The following USP14 variants were observed in gnomAD, a reference collection of about 807,000 sequenced individuals.
USP14 encodes ubiquitin carboxyl-terminal hydrolase 14.
USP14 carries 38 observed loss-of-function variants against 76.5 expected under a neutral mutation model. The ratio of observed to expected loss-of-function variants is 0.50; its 90% CI spans 0.38 to 0.65. USP14 has a LOEUF of 0.65. Among genes scored for constraint, USP14 ranks in the 30% least tolerant of loss-of-function variants. USP14 has a pLI of 0.00. For synonymous variants in USP14, 192 were observed against 191.7 expected, an observed-to-expected ratio of 1.00 and a Z score of -0.01; for missense variants, 467 against 586.5, an observed-to-expected ratio of 0.80 and a Z score of 2.10.
chr18:208,932 C>T (rs1598281108), intron 13 of USP14, among the ~76,000 whole-genome samples: 2 of 152,034 alleles, frequency 1.3e-5, no homozygotes, highest in African/African-American at 4.8e-5. Context: ...TTTTATTAGA[C>T]ACAGGGTTTC....
intron 13 of USP14, among the ~76,000 whole-genome samples, chr18:205,110 A>G (rs1910494746): frequency 6.6e-6 from 1 of 152,118 alleles, no homozygotes; most frequent in Non-Finnish European, 1.5e-5. Context: ...TCCTGAGCTC[A>G]GGCGATCTGC....
At chr18:165,990 C>T (rs1294605861) in intron 2 of USP14, among the ~76,000 whole-genome samples, 1 of 135,412 alleles carries the variant, frequency 7.4e-6, no homozygotes, top group Non-Finnish European at 1.6e-5. Context: ...TTACTCTGGA[C>T]TAATCATGCA....
At chr18:200,404 T>A (rs1486122448) in intron 10 of USP14, among the ~76,000 whole-genome samples, 1 of 152,148 alleles carries the variant, frequency 6.6e-6, no homozygotes, top group African/African-American at 2.4e-5. Context: ...CAATATAAAC[T>A]GGGATTTTTC....
chr18:165,845 A>T (rs1568415316), intron 2 of USP14, among the ~76,000 whole-genome samples: 1 of 152,198 alleles, frequency 6.6e-6, no homozygotes, highest in South Asian at 2.1e-4. Flanking sequence ...TTTAAAGCAG[A>T]TAAAAGAGAT....
At chr18:175,110 A>G (rs1201117561) in intron 3 of USP14, among the ~76,000 whole-genome samples, 1 of 152,172 alleles carries the variant, frequency 6.6e-6, no homozygotes, top group Admixed American at 6.6e-5. Context: ...ATTGCTTGCT[A>G]GTATATAAAA....
intron 1 of USP14, 184 bp downstream of exon 1, chr18:158,898 G>C: frequency 3.0e-6 from 3 of 1,001,372 alleles, no homozygotes; most frequent in Non-Finnish European, 3.9e-6. Flanking sequence ...AGCCCTGCGT[G>C]GCAGGGGAGC....
chr18:174,573 T>C (rs935331077), intron 3 of USP14, among the ~76,000 whole-genome samples: 3 of 151,628 alleles, frequency 2.0e-5, no homozygotes, highest in African/African-American at 7.3e-5. Context: ...GCTTATTTCA[T>C]GGTTTTTAAT....
intron 3 of USP14, among the ~76,000 whole-genome samples, chr18:168,714 C>T (rs561423535): frequency 6.6e-6 from 1 of 152,064 alleles, no homozygotes; most frequent in Admixed American, 6.5e-5. Flanking sequence ...GAATTACAGG[C>T]GTGAGCCACT....
In USP14 at chr18:206,873, T is replaced by C. The variant is rs1910543123; in HGVS notation, c.1164+2181T>C. The stretch of plus-strand genomic sequence containing the variant: ...CTGAGATCACGCCACTGCCCTCCAG[T>C]CTGGGCAACATTGCCCAGTCCATGC... On this transcript the variant is annotated intron_variant, in intron 13 of 15. Coordinates refer to ENST00000261601, the MANE Select transcript of USP14 (RefSeq NM_005151.4). Among the ~76,000 whole-genome samples the C allele has an allele frequency of 2.0e-5, 3 of 152,188 alleles. No individual in the cohort carries two copies. In the South Asian group the frequency reaches 6.2e-4, roughly 31 times the overall value.
intron 3 of USP14, among the ~76,000 whole-genome samples, chr18:171,663 G>A (rs183970898): frequency 6.6e-5 from 10 of 152,278 alleles, no homozygotes; most frequent in Admixed American, 2.6e-4. Flanking sequence ...CCATGGATCA[G>A]TAATTTCTAC....
chr18:202,558 C>T (rs1012984669), intron 10 of USP14, among the ~76,000 whole-genome samples: 1 of 152,132 alleles, frequency 6.6e-6, no homozygotes, highest in African/African-American at 2.4e-5. Flanking sequence ...ACAGGAATGA[C>T]AGCTTTGTTA....
intron 3 of USP14, among the ~76,000 whole-genome samples, chr18:167,363 A>G (rs1909302789): frequency 6.6e-6 from 1 of 152,244 alleles, no homozygotes; most frequent in Non-Finnish European, 1.5e-5. Flanking sequence ...TTGAGATTAC[A>G]TTGAATCTGT....
intron 5 of USP14, among the ~76,000 whole-genome samples, chr18:181,417 T>A (rs1253782429): frequency 6.6e-6 from 1 of 152,206 alleles, no homozygotes; most frequent in African/African-American, 2.4e-5. Context: ...ACATTTTTTT[T>A]AGTGGCTAAT....
rs1490708338 is a variant in USP14 at position 171,051 on chromosome 18, TATATAA to T, written c.195+4234_195+4239del. Among the ~76,000 whole-genome samples the T allele has an allele frequency of 4.3e-3, 580 of 134,018 alleles. 4 individuals are homozygous for T. Among genetic ancestry groups the T allele is most frequent in the African/African-American group, 0.016 (543 of 35,032 alleles). 87.9% of individuals were successfully genotyped at this position (134,018 alleles called of 152,430 possible). ...ATATATATATATATATATATATATA[TATATAA>T]ACTGAAGCTAGCAGAAGTTGGTTCA... On this transcript the variant is annotated intron_variant, in intron 3 of 15. Transcript: ENST00000261601.
At chr18:186,690 T>G (rs1252966740) in intron 5 of USP14, among the ~76,000 whole-genome samples, 1 of 151,826 alleles carries the variant, frequency 6.6e-6, no homozygotes, top group Non-Finnish European at 1.5e-5. Context: ...GAGCAGAGGC[T>G]GCAGTGAGCC....
chr18:158,876 C>A, intron 1 of USP14, 162 bp downstream of exon 1: 3 of 1,139,050 alleles, frequency 2.6e-6, no homozygotes, highest in Non-Finnish European at 3.3e-6. Context: ...TCCCCTCTCC[C>A]GGCTGGGTCG....
intron 13 of USP14, among the ~76,000 whole-genome samples, 186 bp from the exon 14 acceptor site, chr18:209,785 G>C (rs1910622212): frequency 6.6e-6 from 1 of 152,152 alleles, no homozygotes; most frequent in Non-Finnish European, 1.5e-5. Flanking sequence ...TTATATTGTT[G>C]AAGTGTAGGA....
intron 5 of USP14, among the ~76,000 whole-genome samples, chr18:183,874 C>T (rs1457291196): frequency 6.6e-6 from 1 of 151,740 alleles, no homozygotes; most frequent in East Asian, 1.9e-4. Flanking sequence ...TTCCTTATGT[C>T]CCAGTTGCAA....
intron 14 of USP14, 127 bp downstream of exon 14, chr18:210,158 T>G (rs1299282473): frequency 1.2e-6 from 1 of 822,580 alleles, no homozygotes; most frequent in Non-Finnish European, 1.9e-6. Context: ...TCTTGAACAA[T>G]TTACCTTAAT....
Sources: gnomAD v4.1 joint callset for allele counts (sites outside exome capture counted in the v4.1 genomes callset) on GRCh38, gnomAD v4.1.1 for gene constraint, MANE v1.5 for transcripts, NCBI Gene and HGNC (gene_info 2026-07-23, HGNC 2026-07-21) for gene names.